MBNL1: variants seen among roughly 807,000 people sequenced by gnomAD.
MBNL1 encodes muscleblind like splicing regulator 1.
MBNL1 carries 8 observed loss-of-function variants against 42.2 expected under a neutral mutation model. That is an observed-to-expected ratio of 0.19 (90% CI 0.11 to 0.34). The LOEUF (loss-of-function observed/expected upper bound fraction) is 0.34, where lower values mean the gene tolerates loss of function less well. Among genes scored for constraint, MBNL1 ranks in the 10% least tolerant of loss-of-function variants. The pLI is 1.00. For missense variants in MBNL1, 309 were observed against 495.3 expected (o/e 0.62, Z 3.57); for synonymous variants, 169 against 173.9 (o/e 0.97, Z 0.22).
chr3:152,320,168 A>G (rs1410494129), intron 2 of MBNL1, among the ~76,000 whole-genome samples: 1 of 152,176 alleles, frequency 6.6e-6, no homozygotes, highest in African/African-American at 2.4e-5. Context: ...CCAGACTATG[A>G]CCAATAATTG....
chr3:152,378,437 C>T (rs539895321), intron 2 of MBNL1, among the ~76,000 whole-genome samples: 3 of 152,070 alleles, frequency 2.0e-5, no homozygotes, highest in South Asian at 2.1e-4. Flanking sequence ...TACCAAGAAA[C>T]GGGTACAATA....
intron 1 of MBNL1, among the ~76,000 whole-genome samples, chr3:152,291,990 G>A (rs999593830): frequency 3.9e-4 from 59 of 152,258 alleles, no homozygotes; most frequent in Non-Finnish European, 2.6e-4. Context: ...GTCTCACTGT[G>A]TTGCTCAGGC....
At chr3:152,395,400 A>G (rs1277824756) in intron 2 of MBNL1, among the ~76,000 whole-genome samples, 1 of 152,152 alleles carries the variant, frequency 6.6e-6, no homozygotes, top group East Asian at 1.9e-4. Flanking sequence ...TGATAGTCCT[A>G]ATTAATATTT....
chr3:152,411,535 C>CA (rs1371126552), intron 2 of MBNL1, among the ~76,000 whole-genome samples: 2 of 151,592 alleles, frequency 1.3e-5, no homozygotes, highest in Admixed American at 6.6e-5. Context: ...CAAAACAAAA[C>CA]AAAAAAAACT....
chr3:152,350,461 C>T (rs1203167025), intron 2 of MBNL1, among the ~76,000 whole-genome samples: 1 of 152,086 alleles, frequency 6.6e-6, no homozygotes, highest in Non-Finnish European at 1.5e-5. Context: ...AAGTGGGAGT[C>T]AGCTGAAGGA....
intron 2 of MBNL1, among the ~76,000 whole-genome samples, chr3:152,353,671 C>CTTTTT (rs34931833): frequency 5.2e-5 from 6 of 116,458 alleles, no homozygotes; most frequent in South Asian, 2.9e-4. Context: ...TCAACAAATC[C>CTTTTT]TTTTTTTTTT....
At chr3:152,246,023 G>T (rs996616487) in intron 2 of MBNL1, among the ~76,000 whole-genome samples, 3 of 152,134 alleles carry the variant, frequency 2.0e-5, no homozygotes, top group African/African-American at 7.2e-5. Context: ...GATCAAGGCT[G>T]CAGTGAGCTG....
chr3:152,428,526 T>G (rs572919525), intron 3 of MBNL1, among the ~76,000 whole-genome samples: 60 of 152,286 alleles, frequency 3.9e-4, no homozygotes, highest in African/African-American at 1.3e-3. Context: ...TTAAACAGAT[T>G]GGCTAGGCAC....
intron 2 of MBNL1, among the ~76,000 whole-genome samples, chr3:152,403,160 A>T (rs968344523): frequency 5.3e-5 from 8 of 151,804 alleles, no homozygotes; most frequent in Non-Finnish European, 2.9e-5. Flanking sequence ...AAATCGTGTG[A>T]CAACCTTCTG....
intron 2 of MBNL1, among the ~76,000 whole-genome samples, chr3:152,409,912 T>C (rs1163975794): frequency 6.6e-6 from 1 of 152,204 alleles, no homozygotes; most frequent in Non-Finnish European, 1.5e-5. Flanking sequence ...TATTTTTTGC[T>C]TTATTAAGTC....
chr3:152,462,315 T>G (rs1227537192), intron 9 of MBNL1, 70 bp from the exon 10 acceptor site: 3 of 152,192 alleles, frequency 2.0e-5, no homozygotes, highest in African/African-American at 4.8e-5. Flanking sequence ...ATTTTCATAT[T>G]AAATGTATAT....
intron 1 of MBNL1, among the ~76,000 whole-genome samples, chr3:152,288,441 G>A (rs938027442): frequency 6.6e-6 from 1 of 152,128 alleles, no homozygotes; most frequent in Non-Finnish European, 1.5e-5. Flanking sequence ...GTTTTCCAGA[G>A]TTCTCTTGTA....
intron 1 of MBNL1, among the ~76,000 whole-genome samples, chr3:152,275,841 A>ATAT (rs1404147823): frequency 6.6e-6 from 1 of 151,838 alleles, no homozygotes; most frequent in Admixed American, 6.6e-5. Flanking sequence ...AGTGATATCA[A>ATAT]TATTATTATT....
intron 2 of MBNL1, among the ~76,000 whole-genome samples, chr3:152,254,072 A>G (rs1422420767): frequency 3.3e-5 from 5 of 152,132 alleles, no homozygotes; most frequent in Non-Finnish European, 1.5e-5. Flanking sequence ...TAAATAAACA[A>G]TGATTAAGTA....
intron 1 of MBNL1, among the ~76,000 whole-genome samples, chr3:152,287,890 A>T (rs188113301): frequency 8.5e-5 from 13 of 152,290 alleles, no homozygotes; most frequent in Non-Finnish European, 1.6e-4. Flanking sequence ...AATGCACAGA[A>T]CCTTATGTGC....
At chr3:152,259,380 G>T (rs1162237741) in intron 2 of MBNL1, among the ~76,000 whole-genome samples, 2 of 151,802 alleles carry the variant, frequency 1.3e-5, no homozygotes, top group African/African-American at 4.8e-5. Flanking sequence ...ATAAGCACAG[G>T]TTACCTTATA....
At chr3:152,365,550 G>T (rs1363352231) in intron 2 of MBNL1, among the ~76,000 whole-genome samples, 3 of 152,078 alleles carry the variant, frequency 2.0e-5, no homozygotes, top group Non-Finnish European at 4.4e-5. Context: ...GTTGCTAAAA[G>T]GATGTACTAG....
At chr3:152,351,186 C>G (rs1455108580) in intron 2 of MBNL1, among the ~76,000 whole-genome samples, 1 of 151,786 alleles carries the variant, frequency 6.6e-6, no homozygotes, top group African/African-American at 2.4e-5. Flanking sequence ...AACTATAATT[C>G]ATTGTAATAA....
intron 8 of MBNL1, chr3:152,458,392 T>C: frequency 1.8e-6 from 1 of 566,746 alleles, no homozygotes. Flanking sequence ...TTTGTGTATC[T>C]GATTTCATTA....
Sources: allele counts gnomAD v4.1 joint callset (sites outside exome capture counted in the v4.1 genomes callset), GRCh38; gene constraint gnomAD v4.1.1; transcripts MANE v1.5; gene names NCBI Gene and HGNC (gene_info 2026-07-23, HGNC 2026-07-21).